The following UGT1A4 variants were observed in gnomAD, a reference collection of about 807,000 sequenced individuals.
UGT1A4 encodes the protein UDP glucuronosyltransferase family 1 member A4, also known as UDP-glucuronosyltransferase 1A4.
Under a neutral mutation model 41.1 loss-of-function variants are expected in UGT1A4, and 32 were observed. That is an observed-to-expected ratio of 0.78 (90% CI 0.59 to 1.05). The LOEUF is 1.05. Ranked by LOEUF, UGT1A4 falls within the 50% of genes least tolerant of loss-of-function variation. UGT1A4 has a pLI of 0.00. For missense variants in UGT1A4, 748 were observed against 677.4 expected (o/e 1.10, Z -1.16); for synonymous variants, 283 against 265.1 (o/e 1.07, Z -0.66).
intron 1 of UGT1A4, chr2:233,729,450 G>C (rs1394250627): frequency 3.1e-6 from 5 of 1,614,082 alleles, no homozygotes; most frequent in Non-Finnish European, 3.4e-6. Flanking sequence ...ATTTTCTGAA[G>C]AAATTTTTCA....
intron 1 of UGT1A4, chr2:233,756,309 C>A (rs1335647268): frequency 7.9e-5 from 12 of 152,226 alleles, no homozygotes; most frequent in Non-Finnish European, 1.6e-4. Context: ...ATAACCTACC[C>A]ATATCCTCCT....
intron 1 of UGT1A4, chr2:233,756,296 T>C (rs1295271846): frequency 6.6e-6 from 1 of 152,242 alleles, no homozygotes; most frequent in Non-Finnish European, 1.5e-5. Flanking sequence ...ACAGTATTTG[T>C]ATATAACCTA....
chr2:233,758,018 G>A (rs1394383071), intron 1 of UGT1A4, among the ~76,000 whole-genome samples: 1 of 152,092 alleles, frequency 6.6e-6, no homozygotes, highest in African/African-American at 2.4e-5. Context: ...GTTTGTCTCT[G>A]TCTACCTGAC....
intron 1 of UGT1A4, among the ~76,000 whole-genome samples, chr2:233,740,080 C>T (rs1401216325): frequency 3.3e-5 from 5 of 151,794 alleles, no homozygotes; most frequent in African/African-American, 7.3e-5. Flanking sequence ...CTCTGTCTCT[C>T]GCCTGCTGCC....
chr2:233,746,259 AC>A (rs1176427332), intron 1 of UGT1A4, among the ~76,000 whole-genome samples: 1 of 151,746 alleles, frequency 6.6e-6, no homozygotes, highest in African/African-American at 2.4e-5. Context: ...GCAGAACAGA[AC>A]AAAACGCTGT....
intron 1 of UGT1A4, among the ~76,000 whole-genome samples, chr2:233,722,492 T>G (rs1349668885): frequency 6.6e-6 from 1 of 152,244 alleles, no homozygotes; most frequent in African/African-American, 2.4e-5. Context: ...ACTGTTTCAT[T>G]TTCCGTTTCG....
chr2:233,751,468 G>T (rs1694737007), intron 1 of UGT1A4, among the ~76,000 whole-genome samples: 1 of 152,190 alleles, frequency 6.6e-6, no homozygotes, highest in African/African-American at 2.4e-5. Flanking sequence ...AGGCACGATT[G>T]GTTTTGAAAT....
At position 233,767,071 on chromosome 2, in the gene UGT1A4, G is replaced by A. The variant is rs1451220464; in HGVS notation, c.905G>A (p.Gly302Glu). The A allele has an allele frequency of 2.3e-5, 37 of 1,614,098 alleles. No individual in the cohort carries two copies. The highest frequency in any genetic ancestry group is 3.1e-5 in the Non-Finnish European group (37 of 1,180,012). ...EAYINASGEHGIVVFSLGSMV... is the reference protein window; with the variant it reads ...EAYINASGEHEIVVFSLGSMV... Reference sequence around the variant, plus strand: ...TACATTAATGCTTCTGGAGAACATGGAATTGTGGTTTTCTCTTTGGGATCA... The same window carrying A: ...TACATTAATGCTTCTGGAGAACATGAAATTGTGGTTTTCTCTTTGGGATCA... The change falls in exon 2 of 5, where the codon GGA becomes GAA. Residue 302 changes from glycine to glutamate, a missense_variant. Transcript: ENST00000373409.
At chr2:233,755,071 G>A (rs775333434) in intron 1 of UGT1A4, 133 of 1,336,342 alleles carry the variant, frequency 1.0e-4, no homozygotes, top group Non-Finnish European at 1.3e-4. Context: ...TCGCCATAGC[G>A]GTCATAGATA....
chr2:233,765,208 G>C (rs1325678271), intron 1 of UGT1A4, among the ~76,000 whole-genome samples: 1 of 152,132 alleles, frequency 6.6e-6, no homozygotes, highest in Non-Finnish European at 1.5e-5. Flanking sequence ...AGTGCCCTCA[G>C]TATTCTTTGC....
At chr2:233,743,465 C>G in intron 1 of UGT1A4, 1 of 1,366,596 alleles carries the variant, frequency 7.3e-7, no homozygotes, top group Non-Finnish European at 9.8e-7. Flanking sequence ...AAAACACCCC[C>G]AAAAGCTGGA....
In UGT1A4 at chr2:233,746,936, G is replaced by T. The variant is rs185798867; in HGVS notation, c.868-20098G>T. 1.2e-3 allele frequency among the ~76,000 whole-genome samples: 184 copies of T among 151,904 alleles called. 4 individuals carry two copies. Among genetic ancestry groups the T allele is most frequent in the African/African-American group, 4.2e-3 (172 of 41,190 alleles). ...TTCCACAGGCCTTTGTTGGGAATTGGATGAGAAACAAGAGCTTGAACTTGG... is the reference window on the plus strand; with the variant it reads ...TTCCACAGGCCTTTGTTGGGAATTGTATGAGAAACAAGAGCTTGAACTTGG... On this transcript the variant is annotated intron_variant, in intron 1 of 4. Transcript: ENST00000373409.
intron 1 of UGT1A4, chr2:233,721,804 A>G: frequency 1.9e-6 from 1 of 514,924 alleles, no homozygotes; most frequent in South Asian, 1.4e-5. Flanking sequence ...CACATGCAGC[A>G]AAAATCCAGC....
chr2:233,738,126 G>C (rs1690706734), intron 1 of UGT1A4, among the ~76,000 whole-genome samples: 1 of 152,046 alleles, frequency 6.6e-6, no homozygotes, highest in Non-Finnish European at 1.5e-5. Flanking sequence ...TTTTATAAGG[G>C]GCCCTTATCC....
At chr2:233,720,323 T>C (rs1157201210) in intron 1 of UGT1A4, among the ~76,000 whole-genome samples, 1 of 152,090 alleles carries the variant, frequency 6.6e-6, no homozygotes, top group Non-Finnish European at 1.5e-5. Flanking sequence ...TGTGGGGACA[T>C]CGTAGAGTTT....
chr2:233,733,661 T>C (rs1200789776), intron 1 of UGT1A4, among the ~76,000 whole-genome samples: 1 of 152,240 alleles, frequency 6.6e-6, no homozygotes, highest in African/African-American at 2.4e-5. Context: ...GAAGCCGACT[T>C]GATCGATGTG....
chr2:233,744,001 A>T, intron 1 of UGT1A4: 1 of 1,207,940 alleles, frequency 8.3e-7, no homozygotes, highest in Non-Finnish European at 1.1e-6. Context: ...GAGTGCTCGG[A>T]GACCTGGGCC....
chr2:233,749,994 T>C (rs551997072), intron 1 of UGT1A4, among the ~76,000 whole-genome samples: 1 of 151,898 alleles, frequency 6.6e-6, no homozygotes, highest in South Asian at 2.1e-4. Context: ...GACTAATATA[T>C]TAAATTGGTG....
intron 1 of UGT1A4, among the ~76,000 whole-genome samples, chr2:233,763,075 G>A (rs563223055): frequency 3.9e-5 from 6 of 152,246 alleles, no homozygotes; most frequent in African/African-American, 1.2e-4. Flanking sequence ...CCTTCTTTGC[G>A]TGAGGATGTT....
Sources: gnomAD v4.1 joint callset for allele counts (sites outside exome capture counted in the v4.1 genomes callset) on GRCh38, gnomAD v4.1.1 for gene constraint, MANE v1.5 for transcripts, NCBI Gene and HGNC (gene_info 2026-07-23, HGNC 2026-07-21) for gene names.